GRID2: variants seen among roughly 807,000 people sequenced by gnomAD.
The protein encoded by GRID2 is glutamate receptor ionotropic, delta-2.
GRID2 carries 33 observed loss-of-function variants against 114.8 expected under a neutral mutation model. The observed-to-expected ratio is 0.29, with a 90% CI of 0.22 to 0.38. The LOEUF (loss-of-function observed/expected upper bound fraction) is 0.38. Among genes scored for constraint, GRID2 ranks in the 10% least tolerant of loss-of-function variants. The pLI, the probability that GRID2 is intolerant of heterozygous loss-of-function variation, is 1.00. For missense variants in GRID2, 1,184 were observed against 1,257.7 expected, an observed-to-expected ratio of 0.94 and a Z score of 0.89; for synonymous variants, 505 against 449.9, an observed-to-expected ratio of 1.12 and a Z score of -1.55.
At chr4:93,357,329 T>C (rs902777010) in intron 8 of GRID2, among the ~76,000 whole-genome samples, 2 of 151,400 alleles carry the variant, frequency 1.3e-5, no homozygotes, top group Admixed American at 6.6e-5. Flanking sequence ...CATATTTTTC[T>C]TATTAATTCA....
At chr4:92,429,624 A>C (rs1459776567) in intron 1 of GRID2, among the ~76,000 whole-genome samples, 1 of 152,116 alleles carries the variant, frequency 6.6e-6, no homozygotes, top group African/African-American at 2.4e-5. Flanking sequence ...CAGCAGTGAG[A>C]TTGCTAGATC....
chr4:92,951,829 C>G (rs1053477708), intron 2 of GRID2, among the ~76,000 whole-genome samples: 1 of 152,130 alleles, frequency 6.6e-6, no homozygotes, highest in East Asian at 1.9e-4. Context: ...TTGCACCTTT[C>G]TTCAAGTGTT....
intron 1 of GRID2, among the ~76,000 whole-genome samples, chr4:92,446,444 T>G (rs1020773903): frequency 8.7e-5 from 12 of 137,262 alleles, no homozygotes; most frequent in African/African-American, 5.0e-5. Context: ...TGTATCTTTA[T>G]TCAACATTTA....
intron 9 of GRID2, among the ~76,000 whole-genome samples, chr4:93,421,830 C>A (rs1768315628): frequency 6.9e-6 from 1 of 145,288 alleles, no homozygotes; most frequent in Non-Finnish European, 1.5e-5. Flanking sequence ...TTGTGAATCT[C>A]TGAGGAAAAA....
intron 11 of GRID2, among the ~76,000 whole-genome samples, chr4:93,486,674 C>G (rs1726438040): frequency 6.6e-6 from 1 of 151,586 alleles, no homozygotes; most frequent in African/African-American, 2.4e-5. Flanking sequence ...TTTTTGAATG[C>G]CAAACCAATC....
chr4:92,965,450 T>TGAAAAAAAAAAAAAAAAAAAAAAAAA (rs1393372287), intron 2 of GRID2, among the ~76,000 whole-genome samples: 1 of 85,760 alleles, frequency 1.2e-5, no homozygotes, highest in Admixed American at 1.1e-4. Flanking sequence ...ATTCAATTTG[T>TGAAAAAAAAAAAAAAAAAAAAAAAAA]AAAAAAAAAA....
At chr4:92,918,665 G>T (rs994876328) in intron 2 of GRID2, among the ~76,000 whole-genome samples, 28 of 152,128 alleles carry the variant, frequency 1.8e-4, no homozygotes, top group Admixed American at 1.8e-3. Context: ...ACTGATTTGT[G>T]TATATTGAAC....
chr4:93,539,533 C>G (rs114844766), intron 13 of GRID2, among the ~76,000 whole-genome samples: 2 of 152,024 alleles, frequency 1.3e-5, no homozygotes, highest in African/African-American at 4.8e-5. Context: ...TTTCCCTTAG[C>G]ATGTGTTAGG....
At chr4:93,370,828 G>T (rs1023005007) in intron 8 of GRID2, among the ~76,000 whole-genome samples, 1 of 152,044 alleles carries the variant, frequency 6.6e-6, no homozygotes. Flanking sequence ...ACAGAACTGG[G>T]TCTTATCTAT....
chr4:92,962,890 A>C (rs1752915298), intron 2 of GRID2, among the ~76,000 whole-genome samples: 1 of 151,972 alleles, frequency 6.6e-6, no homozygotes, highest in South Asian at 2.1e-4. Context: ...TTCTCCTTAC[A>C]GGCGTATCTT....
intron 14 of GRID2, among the ~76,000 whole-genome samples, chr4:93,741,201 G>GTATA (rs1188641160): frequency 1.5e-4 from 8 of 53,732 alleles, no homozygotes; most frequent in Non-Finnish European, 2.4e-4. Context: ...ATATATATAT[G>GTATA]TATATATATA....
chr4:93,744,585 C>T (rs11944682), intron 14 of GRID2, among the ~76,000 whole-genome samples: 13,541 of 152,138 alleles, frequency 0.089, 1,356 homozygotes, highest in African/African-American at 0.24. Context: ...AAAACTTGAA[C>T]GGATGAGCAA....
At chr4:93,262,654 A>G (rs769970149) in intron 8 of GRID2, among the ~76,000 whole-genome samples, 1 of 151,960 alleles carries the variant, frequency 6.6e-6, no homozygotes, top group Non-Finnish European at 1.5e-5. Context: ...TTTGAATAAA[A>G]TTCCTGTTGA....
intron 9 of GRID2, among the ~76,000 whole-genome samples, chr4:93,416,403 G>A (rs1439760449): frequency 1.3e-5 from 2 of 152,004 alleles, no homozygotes; most frequent in African/African-American, 2.4e-5. Flanking sequence ...GTATGTTTTA[G>A]GGAAAAAATA....
chr4:93,372,094 T>C (rs1762988480), intron 8 of GRID2, among the ~76,000 whole-genome samples: 1 of 152,192 alleles, frequency 6.6e-6, no homozygotes, highest in South Asian at 2.1e-4. Context: ...CTTTATATTT[T>C]GATGTAGATG....
At chr4:93,468,347 A>G (rs1466164362) in intron 11 of GRID2, among the ~76,000 whole-genome samples, 1 of 151,466 alleles carries the variant, frequency 6.6e-6, no homozygotes, top group Non-Finnish European at 1.5e-5. Flanking sequence ...GTAGAGGGAG[A>G]CTGGCAACAA....
At chr4:92,574,902 T>C (rs766517653) in intron 1 of GRID2, among the ~76,000 whole-genome samples, 22 of 152,194 alleles carry the variant, frequency 1.4e-4, no homozygotes, top group Admixed American at 2.0e-4. Flanking sequence ...CCTGATAATA[T>C]CTAGAAGTAT....
intron 4 of GRID2, among the ~76,000 whole-genome samples, chr4:93,147,679 G>A (rs1736389220): frequency 6.6e-6 from 1 of 152,068 alleles, no homozygotes. Context: ...TGGCCCTGAT[G>A]AAAGGGAGGA....
At chr4:93,248,864 T>C (rs1748494912) in intron 8 of GRID2, among the ~76,000 whole-genome samples, 2 of 152,200 alleles carry the variant, frequency 1.3e-5, no homozygotes, top group African/African-American at 4.8e-5. Flanking sequence ...CCAGTAATTT[T>C]ATTTTCCTTC....
Sources: gnomAD v4.1 joint callset for allele counts (sites outside exome capture counted in the v4.1 genomes callset) on GRCh38, gnomAD v4.1.1 for gene constraint, MANE v1.5 for transcripts, NCBI Gene and HGNC (gene_info 2026-07-23, HGNC 2026-07-21) for gene names.